Variants in THRB observed in about 807,000 individuals in gnomAD.
The protein encoded by THRB is nuclear receptor subfamily 1 group A member 2.
In THRB, 12 loss-of-function variants were observed where a neutral mutation model predicts 47.8. That is an observed-to-expected ratio of 0.25 (90% CI 0.16 to 0.41). The LOEUF (loss-of-function observed/expected upper bound fraction) is 0.41, where lower values mean the gene tolerates loss of function less well. Among genes scored for constraint, THRB ranks in the 10% least tolerant of loss-of-function variants. THRB has a pLI of 1.00. For synonymous variants in THRB, 218 were observed against 212.2 expected, an observed-to-expected ratio of 1.03 and a Z score of -0.24; for missense variants, 348 against 589.2, an observed-to-expected ratio of 0.59 and a Z score of 4.24.
At chr3:24,223,124 C>G (rs181913826) in intron 4 of THRB, among the ~76,000 whole-genome samples, 49 of 152,300 alleles carry the variant, frequency 3.2e-4, no homozygotes, top group African/African-American at 1.2e-3. Context: ...AGTCCTAAGG[C>G]CTGGGGATTG....
intron 2 of THRB, among the ~76,000 whole-genome samples, chr3:24,299,904 G>C (rs531990641): frequency 6.6e-6 from 1 of 151,618 alleles, no homozygotes; most frequent in East Asian, 1.9e-4. Context: ...AAATACTCCA[G>C]GGGAATTACA....
chr3:24,400,838 T>A (rs1443883335), intron 1 of THRB, among the ~76,000 whole-genome samples: 1 of 152,070 alleles, frequency 6.6e-6, no homozygotes, highest in East Asian at 1.9e-4. Flanking sequence ...CCCTCAGAAC[T>A]TTCACTGGGG....
intron 3 of THRB, among the ~76,000 whole-genome samples, chr3:24,252,367 C>T (rs973951019): frequency 1.3e-5 from 2 of 151,900 alleles, no homozygotes; most frequent in Admixed American, 1.3e-4. Context: ...TAAAAACTGG[C>T]TTATTTAACT....
intron 1 of THRB, among the ~76,000 whole-genome samples, chr3:24,357,370 A>AC (rs1237000516): frequency 3.4e-5 from 5 of 146,590 alleles, no homozygotes; most frequent in Admixed American, 1.3e-4. Context: ...AAAAAAAAAA[A>AC]AAAACAAAAA....
intron 1 of THRB, among the ~76,000 whole-genome samples, chr3:24,387,283 A>C (rs2066197822): frequency 6.6e-6 from 1 of 152,108 alleles, no homozygotes; most frequent in South Asian, 2.1e-4. Context: ...ACAATCATTT[A>C]GGCCTGCAAC....
chr3:24,215,095 T>C (rs1168109453), intron 4 of THRB, among the ~76,000 whole-genome samples: 2 of 152,206 alleles, frequency 1.3e-5, no homozygotes, highest in African/African-American at 2.4e-5. Context: ...AGCTTAGCTA[T>C]AGAGGGCAAA....
At chr3:24,139,118 C>T (rs922099850) in intron 8 of THRB, among the ~76,000 whole-genome samples, 3 of 152,172 alleles carry the variant, frequency 2.0e-5, no homozygotes, top group African/African-American at 7.2e-5. Context: ...ACTGTCATCA[C>T]ACATGAATTG....
chr3:24,437,296 T>C (rs2071067582), intron 1 of THRB, among the ~76,000 whole-genome samples: 1 of 151,666 alleles, frequency 6.6e-6, no homozygotes, highest in Non-Finnish European at 1.5e-5. Context: ...GAAAGACAAA[T>C]ATTGCATGTT....
chr3:24,141,910 C>T (rs2035500094), intron 8 of THRB, among the ~76,000 whole-genome samples: 1 of 152,148 alleles, frequency 6.6e-6, no homozygotes, highest in African/African-American at 2.4e-5. Flanking sequence ...AGGACTCTGT[C>T]TTGCTATGCC....
intron 2 of THRB, among the ~76,000 whole-genome samples, chr3:24,305,377 G>T (rs1434182232): frequency 2.0e-5 from 3 of 152,164 alleles, no homozygotes; most frequent in African/African-American, 7.2e-5. Context: ...AAGGCTACAG[G>T]TTGGGTAGGG....
intron 5 of THRB, among the ~76,000 whole-genome samples, chr3:24,186,119 G>T (rs146122532): frequency 6.6e-6 from 1 of 152,140 alleles, no homozygotes; most frequent in African/African-American, 2.4e-5. Flanking sequence ...CCTGTGCAAC[G>T]AGTTGAAGAG....
chr3:24,446,696 T>C (rs2072122735), intron 1 of THRB, among the ~76,000 whole-genome samples: 1 of 152,174 alleles, frequency 6.6e-6, no homozygotes, highest in African/African-American at 2.4e-5. Flanking sequence ...TATCATTTGA[T>C]CACTCAACAA....
At chr3:24,184,683 G>A (rs575944133) in intron 5 of THRB, among the ~76,000 whole-genome samples, 8 of 152,206 alleles carry the variant, frequency 5.3e-5, no homozygotes, top group East Asian at 1.9e-4. Context: ...GAGAGCCATC[G>A]TTCTCATGTT....
chr3:24,421,657 AAT>A (rs1268158707), intron 1 of THRB, among the ~76,000 whole-genome samples: 1 of 151,918 alleles, frequency 6.6e-6, no homozygotes, highest in African/African-American at 2.4e-5. Flanking sequence ...AAGCATGCAA[AAT>A]GGACAGAATC....
chr3:24,264,399 T>C (rs958206985), intron 3 of THRB, among the ~76,000 whole-genome samples: 13 of 152,208 alleles, frequency 8.5e-5, no homozygotes, highest in African/African-American at 3.1e-4. Flanking sequence ...TTTTTGTTTG[T>C]TTGTTTGTTT....
At chr3:24,418,536 A>G (rs1461321168) in intron 1 of THRB, among the ~76,000 whole-genome samples, 1 of 151,896 alleles carries the variant, frequency 6.6e-6, no homozygotes, top group Non-Finnish European at 1.5e-5. Flanking sequence ...CGATTTAAAA[A>G]ATATAATTTT....
intron 1 of THRB, among the ~76,000 whole-genome samples, chr3:24,338,003 G>A (rs1258562608): frequency 2.6e-5 from 4 of 152,214 alleles, no homozygotes; most frequent in South Asian, 4.1e-4. Context: ...TGCCGCAGAG[G>A]ATGTCGCCGA....
intron 4 of THRB, among the ~76,000 whole-genome samples, chr3:24,211,601 A>G (rs1259541805): frequency 6.6e-6 from 1 of 152,338 alleles, no homozygotes; most frequent in East Asian, 1.9e-4. Flanking sequence ...ACACAGCTTG[A>G]AAAAATAATG....
At chr3:24,202,622 T>C (rs142430541) in intron 4 of THRB, among the ~76,000 whole-genome samples, 12 of 152,316 alleles carry the variant, frequency 7.9e-5, no homozygotes, top group African/African-American at 2.6e-4. Context: ...TGCCAAATCA[T>C]TTAGAACTGA....
Sources: allele counts gnomAD v4.1 joint callset (sites outside exome capture counted in the v4.1 genomes callset), GRCh38; gene constraint gnomAD v4.1.1; transcripts MANE v1.5; gene names NCBI Gene and HGNC (gene_info 2026-07-23, HGNC 2026-07-21).